TUFM: variants seen among roughly 807,000 people sequenced by gnomAD.
TUFM encodes elongation factor Tu, mitochondrial.
In TUFM, 23 loss-of-function variants were observed where a neutral mutation model predicts 45.0. That is an observed-to-expected ratio of 0.51 (90% CI 0.37 to 0.72). The LOEUF (loss-of-function observed/expected upper bound fraction) is 0.72, where lower values mean the gene tolerates loss of function less well. TUFM is among the 30% of genes least tolerant of loss of function. The pLI, the probability that TUFM is intolerant of heterozygous loss-of-function variation, is 0.00. For missense variants in TUFM, 490 were observed against 610.7 expected (o/e 0.80, Z 2.08); for synonymous variants, 243 against 252.9 (o/e 0.96, Z 0.37).
In TUFM at chr16:28,844,623, G is replaced by A. The variant is rs1245089707; in HGVS notation, c.685-72C>T. ...CTCGATTATCAAGAGCCACTTCCCAGACACAAAGCAGAGCTCTGGGTGCCC... is the reference window on the plus strand; with the variant it reads ...CTCGATTATCAAGAGCCACTTCCCAAACACAAAGCAGAGCTCTGGGTGCCC... On this transcript the variant is annotated intron_variant, in intron 5 of 9. Transcript: ENST00000313511. This position sits in a 1 kb window ranked among gnomAD's most constrained non-coding sequence, Gnocchi z 5.8. The A allele has an allele frequency of 1.2e-6, 2 of 1,613,500 alleles. No individual in the cohort carries two copies. The highest frequency in any genetic ancestry group is 2.7e-5 in the African/African-American group (2 of 74,924).
Position 28,843,098 on chromosome 16 carries a change from C to T in TUFM, c.1245G>A (p.Gln415=). 1.2e-6 allele frequency: 2 copies of T among 1,614,220 alleles called. No homozygotes were observed. The highest frequency in any genetic ancestry group is 1.7e-6 in the Non-Finnish European group (2 of 1,180,046). Residue 415 remains glutamine (Q), a synonymous_variant, in exon 10 of 10, where the codon CAG becomes CAA. Transcript: ENST00000313511. ...GCTGGCCTTTCTCTAAGATCATTGGCTGCCGCAAGATTAGGTTGAACTTCA... is the reference window on the plus strand; with the variant it reads ...GCTGGCCTTTCTCTAAGATCATTGGTTGCCGCAAGATTAGGTTGAACTTCA... ...EDLKFNLILR[Q]PMILEKGQRF... is the part of the protein sequence containing the mutation.
rs890740739 is a variant in TUFM, at chr16:28,845,572, A to G, written c.248-92T>C. ...CCCCTGAACCCTCCCACCTAAATAC[A>G]TAACCTCCTCCAATCTCTAACTCTT... On this transcript the variant is annotated intron_variant, in intron 2 of 9. Coordinates refer to ENST00000313511, the MANE Select transcript of TUFM (RefSeq NM_003321.5). 9.6e-6 allele frequency: 14 copies of G among 1,456,372 alleles called. No individual in the cohort carries two copies. The South Asian group carries it at 1.6e-4, about 17-fold the overall frequency. The allele number at this position is 1,456,372 out of a possible 1,614,324, so 90.2% of individuals were successfully genotyped here.
Position 28,842,845 on chromosome 16 carries a change from A to G in TUFM, c.*130T>C. 4 of 1,234,214 alleles carry G rather than the reference A, an allele frequency of 3.2e-6. No homozygotes were observed. The highest frequency in any genetic ancestry group is 4.7e-6 in the Non-Finnish European group (4 of 842,584). 76.5% of individuals were successfully genotyped at this position (1,234,214 alleles called of 1,614,324 possible). On this transcript the variant is annotated 3_prime_UTR_variant, in exon 10 of 10. Coordinates refer to ENST00000313511, the MANE Select transcript of TUFM (RefSeq NM_003321.5). ...GCCAGGCAGGCCAACCCTTCCGAGC[A>G]GGGGAAATGTCCATCTAGCTGCCCT...
At position 28,845,405 on chromosome 16, in the gene TUFM, C is replaced by G. The variant is rs748087749; in HGVS notation, c.323G>C (p.Gly108Ala). ...CACATGAGCCGCATTGATGGTGATA[C>G]CCCGAGCTCGCTCCTCCGGGGCATT... is the stretch of plus-strand genomic sequence containing the variant. ...IDNAPEERAR[G>A]ITINAAHVEY... The change falls in exon 3 of 10, where the codon GGT becomes GCT. Residue 108 changes from glycine (G) to alanine (A), a missense_variant. Transcript: ENST00000313511. 6 of 1,613,906 alleles carry G rather than the reference C, an allele frequency of 3.7e-6. No homozygotes were observed. The East Asian group carries it at 1.3e-4, about 36-fold the overall frequency.
rs757558550 is a variant in TUFM at position 28,846,033 on chromosome 16, CAA to C, written c.124_125del (p.Leu42ValfsTer44). The C allele has an allele frequency of 2.5e-6, 4 of 1,613,830 alleles. No homozygotes were observed. Among genetic ancestry groups the C allele is most frequent in the Non-Finnish European group, 1.7e-6 (2 of 1,179,990 alleles). On this transcript the variant is annotated frameshift_variant, in exon 2 of 10. Transcript: ENST00000313511. LOFTEE classifies it high-confidence loss of function. ...TGGCCTCCACGGCCAGGCCGCGGCACAAGAGAGGCAATGCCGGGGCTTTCAGC... is the reference window on the plus strand; with the variant it reads ...TGGCCTCCACGGCCAGGCCGCGGCACGAGAGGCAATGCCGGGGCTTTCAGC... ...RLLKAPALPL[L>X]CRGLAVEAKK...
In TUFM at chr16:28,845,630, G is replaced by A. The variant is rs1289497807; in HGVS notation, c.248-150C>T. 3.7e-6 allele frequency: 4 copies of A among 1,089,368 alleles called. No homozygotes were observed. The African/African-American group carries it at 6.3e-5, about 17-fold the overall frequency. The allele number at this position is 1,089,368 out of a possible 1,614,324, so 67.5% of individuals were successfully genotyped here. The stretch of plus-strand genomic sequence containing the variant: ...AGAGAACTGTGGGTCAGAAAGAAAT[G>A]TTAGAGGGCCTTAAGGGTCTGCCCT... On this transcript the variant is annotated intron_variant, in intron 2 of 9. Transcript: ENST00000313511.
chr16:28,845,589 C>CT, intron 2 of TUFM, 109 bp from the exon 3 acceptor site: 1 of 1,344,878 alleles, frequency 7.4e-7, no homozygotes, highest in Admixed American at 1.9e-5. Context: ...CCTCCAATCT[C>CT]TAACTCTTCC....
At position 28,845,407 on chromosome 16, in the gene TUFM, C is replaced by T. The variant is rs144065805; in HGVS notation, c.321G>A (p.Arg107=). Residue 107 remains arginine, a synonymous_variant, in exon 3 of 10, where the codon CGG becomes CGA. Transcript: ENST00000313511. ...EIDNAPEERA[R]GITINAAHVE... ...CATGAGCCGCATTGATGGTGATACC[C>T]CGAGCTCGCTCCTCCGGGGCATTGT... 10 of 1,614,016 alleles carry T rather than the reference C, an allele frequency of 6.2e-6. No individual in the cohort carries two copies. In the African/African-American group the frequency reaches 1.1e-4, roughly 17 times the overall value.
rs1286731455 is a variant in TUFM, at chr16:28,843,753, T to G, written c.1177A>C (p.Ile393Leu). ...SLTWDMACRI[I>L]LPPEKELAMP... The stretch of plus-strand genomic sequence containing the variant: ...CACCGTACCTTCTCTGGGGGCAGGA[T>G]AATCCGACAGGCCATGTCCCAAGTC... Residue 393 changes from isoleucine to leucine, a missense_variant, in exon 9 of 10, where the codon ATC becomes CTC. Transcript: ENST00000313511. 1 of 1,613,176 alleles carries G rather than the reference T, an allele frequency of 6.2e-7. No homozygotes were observed. The highest frequency in any genetic ancestry group is 2.2e-5 in the East Asian group (1 of 44,886).
At chr16:28,845,166 C>A (rs1048985547) in intron 3 of TUFM, 111 bp from the exon 4 acceptor site, 29 of 1,553,798 alleles carry the variant, frequency 1.9e-5, no homozygotes, top group Non-Finnish European at 2.4e-5. Flanking sequence ...CTACCATCTC[C>A]TCACCACCCA....
At chr16:28,846,185 C>T (rs1256353822) in intron 1 of TUFM, 33 bp downstream of exon 1, 1 of 1,590,972 alleles carries the variant, frequency 6.3e-7, no homozygotes. Flanking sequence ...CCAAAGTGTT[C>T]CTGGGCCGCC....
In TUFM at chr16:28,845,452, G is replaced by A; in HGVS notation, c.276C>T (p.Phe92=). The part of the protein sequence containing the change: ...KILAEGGGAK[F]KKYEEIDNAP... Reference sequence around the variant, plus strand: ...CATTGTCAATCTCCTCGTACTTCTTGAACTTAGCCCCACCTCCCTCAGCTA... The same window carrying A: ...CATTGTCAATCTCCTCGTACTTCTTAAACTTAGCCCCACCTCCCTCAGCTA... The change falls in exon 3 of 10, where the codon TTC becomes TTT. Residue 92 remains phenylalanine, a synonymous_variant. Coordinates refer to ENST00000313511, the MANE Select transcript of TUFM (RefSeq NM_003321.5). The A allele has an allele frequency of 6.2e-7, 1 of 1,614,078 alleles. No individual in the cohort carries two copies.
At chr16:28,845,551 T>TG in intron 2 of TUFM, 71 bp from the exon 3 acceptor site, 1 of 1,576,192 alleles carries the variant, frequency 6.3e-7, no homozygotes, top group East Asian at 2.3e-5. Context: ...ACCACGCCCC[T>TG]GAACCCTCCC....
chr16:28,843,495 G>T (rs556815456), intron 9 of TUFM, among the ~76,000 whole-genome samples: 1 of 152,222 alleles, frequency 6.6e-6, no homozygotes, highest in Non-Finnish European at 1.5e-5. Context: ...TCTTTCTGTG[G>T]GTACATGCTG....
At chr16:28,845,612 TGTG>T (rs746282765) in intron 2 of TUFM, 132 bp from the exon 3 acceptor site, 1 of 1,204,514 alleles carries the variant, frequency 8.3e-7, no homozygotes, top group Non-Finnish European at 1.2e-6. Context: ...CAGAGAGAAC[TGTG>T]GGTCAGAAAG....
chr16:28,844,185 G>T lies in TUFM; in HGVS notation c.922+45C>A. On this transcript the variant is annotated intron_variant, in intron 7 of 9. Transcript: ENST00000313511. The surrounding 1 kb of genome is among the most constrained non-coding windows in gnomAD (Gnocchi z 5.8). ...GGCACAAGGGATCTGCCGGGGTAAG[G>T]CCACCCTTCAGCCAGGCCCTGCTCT... 1 of 1,613,444 alleles carries T rather than the reference G, an allele frequency of 6.2e-7. No homozygotes were observed. The highest frequency in any genetic ancestry group is 8.5e-7 in the Non-Finnish European group (1 of 1,179,390).
chr16:28,846,013 T>C lies in TUFM; in HGVS notation c.146A>G (p.Glu49Gly), dbSNP rs1423458069. The C allele has an allele frequency of 2.5e-6, 4 of 1,613,798 alleles. No individual in the cohort carries two copies. Among genetic ancestry groups the C allele is most frequent in the Non-Finnish European group, 3.4e-6 (4 of 1,179,976 alleles). Residue 49 changes from glutamate to glycine, a missense_variant, in exon 2 of 10, where the codon GAG (glutamate) becomes GGG (glycine). Coordinates refer to ENST00000313511, the MANE Select transcript of TUFM (RefSeq NM_003321.5). ...GTCGCGCACGTAAGTCTTCTTGGCC[T>C]CCACGGCCAGGCCGCGGCACAAGAG... ...LPLLCRGLAV[E>G]AKKTYVRDKP...
In TUFM at chr16:28,844,870, T is replaced by A. The variant is rs145900455; in HGVS notation, c.520-8A>T. On this transcript the variant is annotated splice_polypyrimidine_tract_variant and splice_region_variant and intron_variant, in intron 4 of 9. Coordinates refer to ENST00000313511, the MANE Select transcript of TUFM (RefSeq NM_003321.5). The surrounding 1 kb of genome is among the most constrained non-coding windows in gnomAD (Gnocchi z 5.8). ...CACATGCTCCACCCCAATCTGTAGA[T>A]GCCAGAGAGACAGGGACAATATACA... 2,851 of 1,614,194 alleles carry A rather than the reference T, an allele frequency of 1.8e-3. 26 individuals carry two copies. The highest frequency in any genetic ancestry group is 0.011 in the South Asian group (1,006 of 91,090).
rs1210454609 is a variant in TUFM at position 28,843,824 on chromosome 16, C to T, written c.1106G>A (p.Arg369His). The T allele has an allele frequency of 2.5e-6, 4 of 1,614,134 alleles. No individual in the cohort carries two copies. Among genetic ancestry groups the T allele is most frequent in the Non-Finnish European group, 3.4e-6 (4 of 1,180,028 alleles). The change falls in exon 9 of 10, where the codon CGC becomes CAC. Residue 369 changes from arginine (R) to histidine (H), a missense_variant. Transcript: ENST00000313511. ...GAAGTGGGACACAAAGGGCTTGTGGCGGCCACCTTCCTCCTTGCTGAGGAT... is the reference window on the plus strand; with the variant it reads ...GAAGTGGGACACAAAGGGCTTGTGGTGGCCACCTTCCTCCTTGCTGAGGAT... ...VYILSKEEGG[R>H]HKPFVSHFMP...
Sources: allele counts gnomAD v4.1 joint callset (sites outside exome capture counted in the v4.1 genomes callset), GRCh38; gene constraint gnomAD v4.1.1; non-coding constraint Gnocchi (gnomAD v3.1); transcripts MANE v1.5; gene names NCBI Gene and HGNC (gene_info 2026-07-23, HGNC 2026-07-21).